SRGAP1: variants seen among roughly 807,000 people sequenced by gnomAD.
SRGAP1 encodes SLIT-ROBO Rho GTPase activating protein 1.
A neutral mutation model predicts 121.9 loss-of-function variants in SRGAP1; 43 were observed. That is an observed-to-expected ratio of 0.35 (90% CI 0.28 to 0.46). The LOEUF is 0.46. Ranked by LOEUF, SRGAP1 falls within the 20% of genes least tolerant of loss-of-function variation. The pLI, the probability that SRGAP1 is intolerant of heterozygous loss-of-function variation, is 1.00. For missense variants in SRGAP1, 1,102 were observed against 1,350.9 expected (o/e 0.82, Z 2.89); for synonymous variants, 447 against 485.4 (o/e 0.92, Z 1.04).
intron 6 of SRGAP1, among the ~76,000 whole-genome samples, chr12:64,060,330 C>T (rs983431861): frequency 6.6e-6 from 1 of 151,822 alleles, no homozygotes; most frequent in African/African-American, 2.4e-5. Context: ...ATCTCAACCT[C>T]CTGAATAGCT....
At chr12:63,936,765 A>T (rs1283342161) in intron 1 of SRGAP1, among the ~76,000 whole-genome samples, 1 of 152,214 alleles carries the variant, frequency 6.6e-6, no homozygotes, top group Admixed American at 6.5e-5. Context: ...TGATATATCA[A>T]TTCTACAATT....
At chr12:64,091,192 T>C in intron 11 of SRGAP1, 84 bp from the exon 12 acceptor site, 1 of 927,520 alleles carries the variant, frequency 1.1e-6, no homozygotes, top group Non-Finnish European at 1.5e-6. Flanking sequence ...GATTCCCGTG[T>C]TTTGTAATAT....
Position 64,142,838 on chromosome 12 carries a change from G to A in SRGAP1, c.*166G>A, listed in dbSNP as rs764441145. 93 of 903,236 alleles carry A rather than the reference G, an allele frequency of 1.0e-4. 1 individual carries two copies. The highest frequency in any genetic ancestry group is 1.5e-4 in the Non-Finnish European group (90 of 607,500). The allele number at this position is 903,236 out of a possible 1,614,324, so 56.0% of individuals were successfully genotyped here. On this transcript the variant is annotated 3_prime_UTR_variant, in exon 22 of 22. Transcript: ENST00000355086. ...TGTCTGAGACTAGCTAAATTAACAC[G>A]GGCATTTGTATTTTGTAATTTTTTT...
chr12:63,894,499 T>G (rs1900688935), intron 1 of SRGAP1, among the ~76,000 whole-genome samples: 1 of 151,800 alleles, frequency 6.6e-6, no homozygotes, highest in Non-Finnish European at 1.5e-5. Flanking sequence ...ATACTTCAAG[T>G]TCTAGGGTAC....
chr12:63,895,954 A>G (rs1401966778), intron 1 of SRGAP1, among the ~76,000 whole-genome samples: 3 of 152,258 alleles, frequency 2.0e-5, no homozygotes, highest in East Asian at 1.9e-4. Flanking sequence ...CCTTCTGCCA[A>G]ACTTCCTGCT....
At chr12:63,993,205 T>G (rs79627460) in intron 3 of SRGAP1, among the ~76,000 whole-genome samples, 2,483 of 148,084 alleles carry the variant, frequency 0.017, 59 homozygotes, top group African/African-American at 0.058. Context: ...CTTTCCTGCC[T>G]TTTTTTTTTG....
chr12:63,847,542 C>A (rs1280527175), intron 1 of SRGAP1, among the ~76,000 whole-genome samples: 1 of 151,288 alleles, frequency 6.6e-6, no homozygotes, highest in Non-Finnish European at 1.5e-5. Flanking sequence ...TCACTTGAGG[C>A]CGAGACCAGC....
chr12:64,112,486 T>C (rs1443068924), intron 17 of SRGAP1, among the ~76,000 whole-genome samples: 1 of 152,218 alleles, frequency 6.6e-6, no homozygotes, highest in Non-Finnish European at 1.5e-5. Context: ...TTTGAGCAAA[T>C]TTATTATATT....
At chr12:63,994,637 G>A (rs989115149) in intron 3 of SRGAP1, among the ~76,000 whole-genome samples, 1 of 152,130 alleles carries the variant, frequency 6.6e-6, no homozygotes, top group Non-Finnish European at 1.5e-5. Context: ...TCTACTAGAT[G>A]TAGACAATGT....
At chr12:63,952,328 G>A (rs1291528609) in intron 1 of SRGAP1, among the ~76,000 whole-genome samples, 1 of 152,086 alleles carries the variant, frequency 6.6e-6, no homozygotes, top group Non-Finnish European at 1.5e-5. Flanking sequence ...GCTGGGCAAC[G>A]AAGTGAGACC....
chr12:63,916,761 A>G (rs1041945322), intron 1 of SRGAP1, among the ~76,000 whole-genome samples: 1 of 152,174 alleles, frequency 6.6e-6, no homozygotes, highest in Non-Finnish European at 1.5e-5. Flanking sequence ...GAGATTTAAG[A>G]AAGGTCTGGG....
chr12:64,072,397 C>T (rs956846504), intron 8 of SRGAP1, among the ~76,000 whole-genome samples: 6 of 151,862 alleles, frequency 4.0e-5, no homozygotes, highest in Non-Finnish European at 7.4e-5. Flanking sequence ...GATTTGTGTC[C>T]GCCCTGAAAA....
chr12:64,125,425 A>G (rs1235337568), intron 18 of SRGAP1, among the ~76,000 whole-genome samples: 1 of 152,236 alleles, frequency 6.6e-6, no homozygotes, highest in East Asian at 1.9e-4. Context: ...AAGATTTGAT[A>G]GTGCCAGAGA....
chr12:63,932,819 C>G (rs2031526707), intron 1 of SRGAP1, among the ~76,000 whole-genome samples: 1 of 152,174 alleles, frequency 6.6e-6, no homozygotes, highest in Non-Finnish European at 1.5e-5. Flanking sequence ...TGCATTTTTT[C>G]CTGCATTCTG....
chr12:63,857,939 T>C (rs940836954), intron 1 of SRGAP1, among the ~76,000 whole-genome samples: 26 of 152,214 alleles, frequency 1.7e-4, no homozygotes, highest in African/African-American at 6.3e-4. Flanking sequence ...CCTTGAAGAA[T>C]GATGGTTGTT....
chr12:64,118,572 A>T (rs1289644017), intron 18 of SRGAP1, among the ~76,000 whole-genome samples: 1 of 152,038 alleles, frequency 6.6e-6, no homozygotes, highest in Non-Finnish European at 1.5e-5. Context: ...AACATTTGTT[A>T]CCTTTTGTTT....
chr12:64,058,692 G>A (rs1220612564), intron 6 of SRGAP1, among the ~76,000 whole-genome samples: 2 of 151,946 alleles, frequency 1.3e-5, no homozygotes, highest in Non-Finnish European at 2.9e-5. Context: ...TCAGCTCTTT[G>A]TGCAGAGGCT....
chr12:63,932,575 A>G (rs1252052501), intron 1 of SRGAP1, among the ~76,000 whole-genome samples: 1 of 152,244 alleles, frequency 6.6e-6, no homozygotes, highest in Non-Finnish European at 1.5e-5. Flanking sequence ...CTTTTAATAA[A>G]TAATAACAAG....
chr12:64,099,288 A>G (rs2036217379), intron 15 of SRGAP1, among the ~76,000 whole-genome samples: 1 of 152,198 alleles, frequency 6.6e-6, no homozygotes, highest in Non-Finnish European at 1.5e-5. Flanking sequence ...GTAAAATGCC[A>G]AGAAGAGTGC....
Sources: allele counts gnomAD v4.1 joint callset (sites outside exome capture counted in the v4.1 genomes callset), GRCh38; gene constraint gnomAD v4.1.1; transcripts MANE v1.5; gene names NCBI Gene and HGNC (gene_info 2026-07-23, HGNC 2026-07-21).